The following DCLK1 variants were observed in gnomAD, a reference collection of about 807,000 sequenced individuals.
DCLK1 encodes the protein serine/threonine-protein kinase DCLK1.
A neutral mutation model predicts 86.2 loss-of-function variants in DCLK1; 16 were observed. The observed-to-expected ratio is 0.19, with a 90% CI of 0.13 to 0.28. The LOEUF (loss-of-function observed/expected upper bound fraction) is 0.28. Ranked by LOEUF, DCLK1 falls within the 10% of genes least tolerant of loss-of-function variation. The pLI is 1.00. For missense variants in DCLK1, 590 were observed against 940.2 expected, an observed-to-expected ratio of 0.63 and a Z score of 4.87; for synonymous variants, 369 against 370.5, an observed-to-expected ratio of 1.00 and a Z score of 0.05.
chr13:35,794,463 G>C (rs559447321), intron 15 of DCLK1, among the ~76,000 whole-genome samples: 1 of 152,280 alleles, frequency 6.6e-6, no homozygotes, highest in African/African-American at 2.4e-5. Context: ...GTTCCACCCA[G>C]GAAAATAAGT....
At chr13:35,858,450 A>G (rs1463626701) in intron 5 of DCLK1, among the ~76,000 whole-genome samples, 1 of 152,194 alleles carries the variant, frequency 6.6e-6, no homozygotes, top group African/African-American at 2.4e-5. Context: ...TAACTTGTCC[A>G]AAGACAAACA....
At chr13:36,014,815 A>G (rs1043535434) in intron 3 of DCLK1, among the ~76,000 whole-genome samples, 1 of 152,246 alleles carries the variant, frequency 6.6e-6, no homozygotes, top group African/African-American at 2.4e-5. Context: ...CTTAAGCTAT[A>G]GACTCATCAG....
At chr13:35,810,737 TTA>T in intron 12 of DCLK1, 96 bp downstream of exon 12, 1 of 1,391,744 alleles carries the variant, frequency 7.2e-7, no homozygotes, top group Non-Finnish European at 9.6e-7. Flanking sequence ...TGATAGCTAA[TTA>T]TGTCTGGATA....
chr13:36,008,869 A>C (rs1881148559), intron 3 of DCLK1, among the ~76,000 whole-genome samples: 2 of 147,194 alleles, frequency 1.4e-5, no homozygotes, highest in South Asian at 4.5e-4. Context: ...ATTTCTCCAC[A>C]TCCTCTCCAG....
chr13:35,850,554 A>G, intron 6 of DCLK1: 1 of 1,264,066 alleles, frequency 7.9e-7, no homozygotes. Context: ...TTCAAGGTTG[A>G]ACATCACGAA....
At chr13:35,901,649 A>G (rs1299866648) in intron 4 of DCLK1, among the ~76,000 whole-genome samples, 1 of 152,050 alleles carries the variant, frequency 6.6e-6, no homozygotes, top group Non-Finnish European at 1.5e-5. Context: ...GTGTTCTCTT[A>G]CAGGCCTCCT....
chr13:35,817,877 A>G lies in DCLK1; in HGVS notation c.1554+4852T>C, dbSNP rs1461917575. Among the ~76,000 whole-genome samples the G allele has an allele frequency of 2.0e-5, 3 of 152,290 alleles. No individual in the cohort carries two copies. In the South Asian group the frequency reaches 6.2e-4, roughly 32 times the overall value. On this transcript the variant is annotated intron_variant, in intron 11 of 16. Coordinates refer to ENST00000360631, the MANE Select transcript of DCLK1 (RefSeq NM_001330071.2). The stretch of plus-strand genomic sequence containing the variant: ...GACCTGCAGTCAGGCCAAGTATTCC[A>G]TTACTGTTTCTGAAATTGACAATAA...
rs1218823310 is a variant in DCLK1, at chr13:36,092,447, C to T, written c.723+19422G>A. ...TTTAATATAACTACTGTCTACCCTGCTGCCCAAGGCATGTCTCTTATCCGA... is the reference window on the plus strand; with the variant it reads ...TTTAATATAACTACTGTCTACCCTGTTGCCCAAGGCATGTCTCTTATCCGA... On this transcript the variant is annotated intron_variant, in intron 3 of 16. Coordinates refer to ENST00000360631, the MANE Select transcript of DCLK1 (RefSeq NM_001330071.2). 3.3e-5 allele frequency among the ~76,000 whole-genome samples: 5 copies of T among 150,738 alleles called. No individual in the cohort carries two copies. The East Asian group carries it at 7.7e-4, about 23-fold the overall frequency.
At chr13:35,943,189 G>A (rs1181821524) in intron 4 of DCLK1, among the ~76,000 whole-genome samples, 2 of 152,152 alleles carry the variant, frequency 1.3e-5, no homozygotes, top group East Asian at 1.9e-4. Context: ...ACATACAGGG[G>A]AGAAGGTTAC....
intron 4 of DCLK1, among the ~76,000 whole-genome samples, chr13:35,903,957 T>A (rs1566595045): frequency 6.6e-6 from 1 of 152,198 alleles, no homozygotes; most frequent in Non-Finnish European, 1.5e-5. Context: ...GAATTCTTCA[T>A]CTGGTTAGTT....
intron 11 of DCLK1, among the ~76,000 whole-genome samples, chr13:35,811,643 G>A (rs1421439331): frequency 6.6e-6 from 1 of 152,070 alleles, no homozygotes; most frequent in African/African-American, 2.4e-5. Context: ...AGACCAGCCT[G>A]GCCAATATGG....
At chr13:36,056,453 C>G (rs1883312943) in intron 3 of DCLK1, among the ~76,000 whole-genome samples, 1 of 99,676 alleles carries the variant, frequency 1.0e-5, no homozygotes, top group South Asian at 4.0e-4. Flanking sequence ...ATATCACACT[C>G]TGGGGACTGT....
At chr13:35,955,668 A>G (rs1364803852) in intron 3 of DCLK1, among the ~76,000 whole-genome samples, 1 of 152,158 alleles carries the variant, frequency 6.6e-6, no homozygotes, top group Non-Finnish European at 1.5e-5. Context: ...GTGACTTTGG[A>G]CAACTATTTA....
At chr13:35,940,136 G>T (rs1027818224) in intron 4 of DCLK1, among the ~76,000 whole-genome samples, 9 of 151,670 alleles carry the variant, frequency 5.9e-5, no homozygotes, top group African/African-American at 2.2e-4. Flanking sequence ...CAGGAGAATC[G>T]CTTGAACCTG....
At chr13:35,928,439 T>G (rs1400888390) in intron 4 of DCLK1, among the ~76,000 whole-genome samples, 1 of 152,120 alleles carries the variant, frequency 6.6e-6, no homozygotes, top group African/African-American at 2.4e-5. Context: ...CCATTACCCC[T>G]CAAGTCTTTG....
rs73525260 is a variant in DCLK1 at position 36,078,128 on chromosome 13, A to G, written c.723+33741T>C. On this transcript the variant is annotated intron_variant, in intron 3 of 16. Transcript: ENST00000360631. ...ATCATGGGATTAGTGCTCCTATAAGACAAGGAAGAGACCCCAGAGCTTCCA... is the reference window on the plus strand; with the variant it reads ...ATCATGGGATTAGTGCTCCTATAAGGCAAGGAAGAGACCCCAGAGCTTCCA... 8.3e-3 allele frequency among the ~76,000 whole-genome samples: 1,264 copies of G among 152,310 alleles called. 16 individuals carry two copies. Among genetic ancestry groups the G allele is most frequent in the African/African-American group, 0.029 (1,191 of 41,566 alleles).
At chr13:36,000,823 A>G (rs1249632735) in intron 3 of DCLK1, among the ~76,000 whole-genome samples, 2 of 152,224 alleles carry the variant, frequency 1.3e-5, no homozygotes, top group African/African-American at 2.4e-5. Context: ...CTCAGCACAT[A>G]GGTGACATTC....
At chr13:35,826,819 C>T (rs879343972) in intron 10 of DCLK1, among the ~76,000 whole-genome samples, 7 of 152,006 alleles carry the variant, frequency 4.6e-5, no homozygotes, top group Non-Finnish European at 8.8e-5. Flanking sequence ...GAGCCTGAGG[C>T]GCCCCCTGGC....
intron 3 of DCLK1, among the ~76,000 whole-genome samples, chr13:36,103,869 A>T (rs1405378114): frequency 6.6e-6 from 1 of 152,178 alleles, no homozygotes; most frequent in Non-Finnish European, 1.5e-5. Flanking sequence ...GGACATATTG[A>T]TCAGTTCTTC....
Sources: gnomAD v4.1 joint callset for allele counts (sites outside exome capture counted in the v4.1 genomes callset) on GRCh38, gnomAD v4.1.1 for gene constraint, MANE v1.5 for transcripts, NCBI Gene and HGNC (gene_info 2026-07-23, HGNC 2026-07-21) for gene names.